Variants in MYLK observed in about 807,000 individuals in gnomAD.
MYLK encodes myosin light chain kinase, also known as myosin light chain kinase, smooth muscle.
A neutral mutation model predicts 203.4 loss-of-function variants in MYLK; 106 were observed. That is an observed-to-expected ratio of 0.52 (90% CI 0.45 to 0.61). MYLK has a LOEUF of 0.61. MYLK is among the 20% of genes least tolerant of loss of function. The pLI, the probability that MYLK is intolerant of heterozygous loss-of-function variation, is 0.00. For missense variants in MYLK, 2,072 were observed against 2,442.3 expected (o/e 0.85, Z 3.20); for synonymous variants, 867 against 959.5 (o/e 0.90, Z 1.78).
chr3:123,641,890 T>C (rs1057500795), intron 27 of MYLK, among the ~76,000 whole-genome samples: 2 of 150,328 alleles, frequency 1.3e-5, no homozygotes, highest in African/African-American at 2.4e-5. Flanking sequence ...GGTCTTGCTC[T>C]GTCTTCCAGG....
intron 3 of MYLK, among the ~76,000 whole-genome samples, chr3:123,807,411 G>A (rs2065407802): frequency 6.6e-6 from 1 of 151,738 alleles, no homozygotes; most frequent in Non-Finnish European, 1.5e-5. Flanking sequence ...CCTGGGCAAT[G>A]GAGTGAAACT....
At chr3:123,760,163 AGTAT>A (rs79330261) in intron 4 of MYLK, among the ~76,000 whole-genome samples, 2 of 151,848 alleles carry the variant, frequency 1.3e-5, no homozygotes, top group East Asian at 1.9e-4. Context: ...TCCATGGAGA[AGTAT>A]GTATGTATGT....
intron 20 of MYLK, among the ~76,000 whole-genome samples, chr3:123,680,300 C>G (rs2060218740): frequency 6.6e-6 from 1 of 152,144 alleles, no homozygotes; most frequent in Admixed American, 6.5e-5. Flanking sequence ...AGTGGGTGTG[C>G]TGGAGCTGAG....
At chr3:123,620,653 A>G (rs2057805832) in intron 31 of MYLK, 4 of 1,125,852 alleles carry the variant, frequency 3.6e-6, no homozygotes, top group Non-Finnish European at 4.4e-6. Context: ...GATGGTTTAT[A>G]TAAAGCAACT....
chr3:123,753,835 A>G (rs1576853919), intron 4 of MYLK, among the ~76,000 whole-genome samples: 1 of 152,214 alleles, frequency 6.6e-6, no homozygotes, highest in South Asian at 2.1e-4. Context: ...TTGCATTACA[A>G]AACAGTGGTA....
At chr3:123,649,913 G>A (rs944689537) in intron 24 of MYLK, among the ~76,000 whole-genome samples, 2 of 152,186 alleles carry the variant, frequency 1.3e-5, no homozygotes. Flanking sequence ...AGGAAATGAT[G>A]GAATACAATG....
At chr3:123,660,001 G>A (rs1369071405) in intron 23 of MYLK, among the ~76,000 whole-genome samples, 8 of 152,158 alleles carry the variant, frequency 5.3e-5, no homozygotes, top group East Asian at 3.9e-4. Flanking sequence ...CTTGGTCCTC[G>A]CTTATTTGAA....
chr3:123,776,408 C>T (rs2064080376), intron 4 of MYLK, among the ~76,000 whole-genome samples: 1 of 152,182 alleles, frequency 6.6e-6, no homozygotes, highest in Non-Finnish European at 1.5e-5. Flanking sequence ...TTGTCCCATT[C>T]ACCTCTCTTC....
intron 2 of MYLK, among the ~76,000 whole-genome samples, chr3:123,843,080 C>T (rs917639670): frequency 1.3e-5 from 2 of 152,122 alleles, no homozygotes; most frequent in African/African-American, 4.8e-5. Context: ...GGACCTAGAA[C>T]CAGAAGGAGT....
chr3:123,871,780 G>A (rs1163899269), intron 2 of MYLK, among the ~76,000 whole-genome samples: 3 of 150,504 alleles, frequency 2.0e-5, no homozygotes, highest in African/African-American at 7.3e-5. Flanking sequence ...CCAGAAAATA[G>A]AAGAAGGAAC....
chr3:123,853,167 T>C (rs2031020071), intron 2 of MYLK, among the ~76,000 whole-genome samples: 1 of 151,792 alleles, frequency 6.6e-6, no homozygotes, highest in Non-Finnish European at 1.5e-5. Context: ...ATACAATGAG[T>C]TGGGCTATAT....
At chr3:123,707,104 T>TA (rs2061488968) in intron 16 of MYLK, among the ~76,000 whole-genome samples, 1 of 152,096 alleles carries the variant, frequency 6.6e-6, no homozygotes, top group Admixed American at 6.5e-5. Flanking sequence ...GCTGCCATGC[T>TA]AAAAAAGACA....
intron 31 of MYLK, chr3:123,625,013 C>A (rs1270197626): frequency 6.6e-6 from 1 of 152,214 alleles, no homozygotes; most frequent in Non-Finnish European, 1.5e-5. Flanking sequence ...GCCACCCAGG[C>A]AAAGTCTCAA....
At chr3:123,845,776 C>T (rs1033383820) in intron 2 of MYLK, among the ~76,000 whole-genome samples, 1 of 152,208 alleles carries the variant, frequency 6.6e-6, no homozygotes, top group Non-Finnish European at 1.5e-5. Flanking sequence ...ATCTCAGCCT[C>T]CCAAATAGCT....
chr3:123,834,506 T>C (rs1363130421), intron 2 of MYLK, among the ~76,000 whole-genome samples: 1 of 151,988 alleles, frequency 6.6e-6, no homozygotes, highest in Non-Finnish European at 1.5e-5. Context: ...TCATCACCCA[T>C]CCTGGAGGTG....
At chr3:123,686,477 G>T (rs1212324765) in intron 19 of MYLK, among the ~76,000 whole-genome samples, 1 of 152,012 alleles carries the variant, frequency 6.6e-6, no homozygotes, top group Non-Finnish European at 1.5e-5. Context: ...GCTTCTAGGG[G>T]CCCCCAGTGG....
intron 3 of MYLK, among the ~76,000 whole-genome samples, chr3:123,795,226 A>G (rs899331095): frequency 3.9e-5 from 6 of 152,218 alleles, no homozygotes; most frequent in Non-Finnish European, 7.3e-5. Flanking sequence ...TTCTTAAAAT[A>G]AGGGGGAAAA....
chr3:123,698,970 GA>G (rs2061053176), intron 18 of MYLK: 1 of 152,382 alleles, frequency 6.6e-6, no homozygotes, highest in African/African-American at 2.4e-5. Flanking sequence ...AGCTGACTCA[GA>G]TTTGACAGGA....
At chr3:123,859,965 GA>G (rs142294474) in intron 2 of MYLK, among the ~76,000 whole-genome samples, 161 of 132,256 alleles carry the variant, frequency 1.2e-3, no homozygotes, top group Middle Eastern at 3.8e-3. Flanking sequence ...GACGCAGTTA[GA>G]AAAAAAAAAA....
Sources: gnomAD v4.1 joint callset for allele counts (sites outside exome capture counted in the v4.1 genomes callset) on GRCh38, gnomAD v4.1.1 for gene constraint, MANE v1.5 for transcripts, NCBI Gene and HGNC (gene_info 2026-07-23, HGNC 2026-07-21) for gene names.